Variants in CPNE4 observed in about 807,000 individuals in gnomAD.
CPNE4 encodes the protein copine-4.
In CPNE4, 25 loss-of-function variants were observed where a neutral mutation model predicts 67.9. The ratio of observed to expected loss-of-function variants is 0.37; its 90% CI spans 0.27 to 0.51. The LOEUF is 0.51. CPNE4 is among the 20% of genes least tolerant of loss of function. The probability of loss-of-function intolerance (pLI) is 0.93; values close to 1 mark genes in which losing one functional copy is unlikely to be tolerated. For synonymous variants in CPNE4, 242 were observed against 244.9 expected (o/e 0.99, Z 0.11); for missense variants, 464 against 690.8 (o/e 0.67, Z 3.68).
intron 2 of CPNE4, among the ~76,000 whole-genome samples, chr3:131,738,297 A>G (rs1390107008): frequency 6.6e-6 from 1 of 152,278 alleles, no homozygotes; most frequent in Non-Finnish European, 1.5e-5. Context: ...TAGTAAGAGC[A>G]GTTCTGCAAT....
chr3:131,882,279 C>T (rs540521102), intron 2 of CPNE4, among the ~76,000 whole-genome samples: 1 of 151,944 alleles, frequency 6.6e-6, no homozygotes, highest in Non-Finnish European at 1.5e-5. Context: ...TAATAAACTT[C>T]TTAACATAAA....
rs1225041 is a variant in CPNE4 at position 131,928,278 on chromosome 3, C to T, written c.-1-22834G>A. 2.0e-5 allele frequency among the ~76,000 whole-genome samples: 3 copies of T among 152,030 alleles called. No homozygotes were observed. In the South Asian group the frequency reaches 6.2e-4, roughly 32 times the overall value. ...TAATGTATACCATATCCATGAATTA[C>T]AGTACAGGTTATCTAAAATTTACAA... On this transcript the variant is annotated intron_variant, in intron 1 of 15. Transcript: ENST00000429747.
intron 8 of CPNE4, among the ~76,000 whole-genome samples, chr3:131,587,057 G>A (rs1027550765): frequency 2.0e-5 from 3 of 152,122 alleles, no homozygotes; most frequent in Non-Finnish European, 4.4e-5. Flanking sequence ...CAGATATTTT[G>A]GAAATGCTAG....
chr3:131,864,883 C>T (rs1416869903), intron 2 of CPNE4, among the ~76,000 whole-genome samples: 1 of 152,074 alleles, frequency 6.6e-6, no homozygotes, highest in Non-Finnish European at 1.5e-5. Flanking sequence ...TACGTCCCAT[C>T]AATACCTAAT....
rs144830895 is a variant in CPNE4, at chr3:131,840,930, C to T, written c.180+64334G>A. 2.6e-5 allele frequency among the ~76,000 whole-genome samples: 4 copies of T among 152,264 alleles called. No individual in the cohort carries two copies. In the East Asian group the frequency reaches 7.7e-4, roughly 29 times the overall value. ...CTTTCCTTCTCTTTCTGCTCTCTCC[C>T]TCCTGCCTGCACCCACACATTTCTC... On this transcript the variant is annotated intron_variant, in intron 2 of 15. Coordinates refer to ENST00000429747, the MANE Select transcript of CPNE4 (RefSeq NM_130808.3).
chr3:131,905,365 C>A lies in CPNE4; in HGVS notation c.79G>T (p.Glu27Ter). 1.2e-6 allele frequency: 2 copies of A among 1,613,576 alleles called. No homozygotes were observed. The highest frequency in any genetic ancestry group is 1.7e-6 in the Non-Finnish European group (2 of 1,179,704). ...ATGCCTTTGCACGCCACACGCAGCT[C>A]AACTTTGGTCAGGCAGGGGCTGTTA... ...IFNSPCLTKV[E>*]LRVACKGISD... The change falls in exon 2 of 16, where the codon GAG (glutamate) becomes TAG (stop). Residue 27 changes from glutamate (E) to a stop codon, truncating the protein, a stop_gained. Transcript: ENST00000429747. LOFTEE classifies it high-confidence loss of function.
intron 7 of CPNE4, among the ~76,000 whole-genome samples, chr3:131,591,606 G>T (rs562715568): frequency 7.2e-5 from 11 of 152,258 alleles, no homozygotes; most frequent in African/African-American, 2.6e-4. Flanking sequence ...ACTCCATCAG[G>T]GGCCTCTCAG....
chr3:131,755,229 G>A (rs1297841871), intron 2 of CPNE4, among the ~76,000 whole-genome samples: 2 of 149,666 alleles, frequency 1.3e-5, no homozygotes, highest in African/African-American at 4.9e-5. Context: ...TACATTGTGA[G>A]AAAATAACTG....
intron 2 of CPNE4, among the ~76,000 whole-genome samples, chr3:131,769,586 C>T (rs1251628933): frequency 6.6e-6 from 1 of 152,150 alleles, no homozygotes; most frequent in Admixed American, 6.5e-5. Flanking sequence ...GGATAAAATG[C>T]TACCTTCAAC....
chr3:131,904,725 G>C (rs565211324), intron 2 of CPNE4, among the ~76,000 whole-genome samples: 3 of 152,166 alleles, frequency 2.0e-5, no homozygotes, highest in Non-Finnish European at 4.4e-5. Context: ...CTGTCCTCTT[G>C]GTTCCCTCTT....
At chr3:131,828,623 A>G (rs1177162427) in intron 2 of CPNE4, among the ~76,000 whole-genome samples, 2 of 152,176 alleles carry the variant, frequency 1.3e-5, no homozygotes, top group Non-Finnish European at 2.9e-5. Context: ...GGGTGGTTAT[A>G]TTTCTTTCTC....
upstream of CPNE4, among the ~76,000 whole-genome samples, chr3:132,036,766 C>T (rs2074346722): frequency 6.6e-6 from 1 of 152,128 alleles, no homozygotes; most frequent in Non-Finnish European, 1.5e-5. Context: ...AAGGTGTCTA[C>T]CACCTTCTAC....
chr3:131,682,243 T>C (rs999879040), intron 6 of CPNE4, among the ~76,000 whole-genome samples: 3 of 152,160 alleles, frequency 2.0e-5, no homozygotes, highest in Non-Finnish European at 4.4e-5. Context: ...TACTGTAGTC[T>C]TTGCAGCCTG....
chr3:131,930,015 C>T (rs2071010028), intron 1 of CPNE4, among the ~76,000 whole-genome samples: 1 of 152,142 alleles, frequency 6.6e-6, no homozygotes, highest in East Asian at 1.9e-4. Context: ...GGAGATTTTA[C>T]AAGTAGGAAC....
chr3:131,668,965 G>A (rs1056207820), intron 7 of CPNE4, among the ~76,000 whole-genome samples: 1 of 152,104 alleles, frequency 6.6e-6, no homozygotes, highest in Admixed American at 6.5e-5. Context: ...AATCTGTAAT[G>A]ACCATGTGAC....
intron 2 of CPNE4, among the ~76,000 whole-genome samples, chr3:131,877,687 G>T (rs1239862134): frequency 6.6e-6 from 1 of 152,156 alleles, no homozygotes; most frequent in East Asian, 1.9e-4. Flanking sequence ...TAATAGCTGA[G>T]AATTAATAGG....
At chr3:132,023,334 T>C (rs2074039043) in intron 1 of CPNE4, among the ~76,000 whole-genome samples, 1 of 152,194 alleles carries the variant, frequency 6.6e-6, no homozygotes, top group African/African-American at 2.4e-5. Flanking sequence ...TTTTATGAGC[T>C]GTTATCTTCA....
At chr3:131,802,180 G>A (rs2084156272) in intron 2 of CPNE4, among the ~76,000 whole-genome samples, 1 of 152,138 alleles carries the variant, frequency 6.6e-6, no homozygotes, top group Admixed American at 6.5e-5. Context: ...TGAGGCCGTA[G>A]AAATATGGGA....
chr3:131,739,838 A>G (rs1219708531), intron 2 of CPNE4, among the ~76,000 whole-genome samples: 1 of 152,212 alleles, frequency 6.6e-6, no homozygotes, highest in African/African-American at 2.4e-5. Context: ...GCTCCTGGCA[A>G]TGCTGAACAC....
Sources: gnomAD v4.1 joint callset for allele counts (sites outside exome capture counted in the v4.1 genomes callset) on GRCh38, gnomAD v4.1.1 for gene constraint, MANE v1.5 for transcripts, NCBI Gene and HGNC (gene_info 2026-07-23, HGNC 2026-07-21) for gene names.